Variants in KDM2A observed in about 807,000 individuals in gnomAD.
KDM2A encodes the protein lysine demethylase 2A.
KDM2A carries 3 observed loss-of-function variants against 137.3 expected under a neutral mutation model. The observed-to-expected ratio is 0.02, with a 90% confidence interval of 0.01 to 0.06. The LOEUF (loss-of-function observed/expected upper bound fraction) is 0.06, where lower values mean the gene tolerates loss of function less well. Among genes scored for constraint, KDM2A ranks in the 10% least tolerant of loss-of-function variants. The pLI is 1.00. For synonymous variants in KDM2A, 512 were observed against 541.5 expected, an observed-to-expected ratio of 0.95 and a Z score of 0.76; for missense variants, 738 against 1,510.6, an observed-to-expected ratio of 0.49 and a Z score of 8.48.
chr11:67,245,521 C>CATATA lies in KDM2A; in HGVS notation c.1833+64_1833+68dup, dbSNP rs1859177516. ...TGGCAGTGCCAAAGGAACTGAAATA[C>CATATA]ATATAGTGTAGAGTTAAAGAGACTT... On this transcript the variant is annotated intron_variant, in intron 14 of 20. Transcript: ENST00000529006. This position sits in a 1 kb window ranked among gnomAD's most constrained non-coding sequence, Gnocchi z 4.1. The CATATA allele has an allele frequency of 1.0e-5, 16 of 1,554,638 alleles. 1 individual carries two copies. In the South Asian group the frequency reaches 1.6e-4, roughly 15 times the overall value.
chr11:67,169,425 G>T (rs1856826772), intron 2 of KDM2A, among the ~76,000 whole-genome samples: 1 of 148,464 alleles, frequency 6.7e-6, no homozygotes, highest in African/African-American at 2.5e-5. Flanking sequence ...TGTTGCCCAG[G>T]CTGAAATGCA....
chr11:67,173,739 GTCTGGCTCTGC>G (rs1249889800), intron 2 of KDM2A, among the ~76,000 whole-genome samples: 25 of 152,000 alleles, frequency 1.6e-4, no homozygotes, highest in Non-Finnish European at 1.9e-4. Context: ...TTGAGGCAAG[GTCTGGCTCTGC>G]TGCCCAGACT....
intron 2 of KDM2A, among the ~76,000 whole-genome samples, chr11:67,168,496 G>C (rs1003962388): frequency 6.6e-6 from 1 of 151,692 alleles, no homozygotes; most frequent in African/African-American, 2.4e-5. Context: ...TGTATACAGA[G>C]TGTCTGGCTA....
intron 2 of KDM2A, among the ~76,000 whole-genome samples, chr11:67,177,497 TAAAC>T (rs1192391635): frequency 6.6e-6 from 1 of 152,066 alleles, no homozygotes; most frequent in African/African-American, 2.4e-5. Context: ...AACCAAGACA[TAAAC>T]ATACACATCA....
At chr11:67,182,661 T>G (rs1857116876) in intron 5 of KDM2A, among the ~76,000 whole-genome samples, 1 of 151,202 alleles carries the variant, frequency 6.6e-6, no homozygotes, top group South Asian at 2.1e-4. Context: ...GCCTCCCGAG[T>G]AGCTGGGATT....
chr11:67,208,282 A>G (rs1857874745), intron 6 of KDM2A, among the ~76,000 whole-genome samples: 1 of 151,768 alleles, frequency 6.6e-6, no homozygotes, highest in African/African-American at 2.4e-5. Context: ...AATTTTGTCC[A>G]GGCTGACCTT....
intron 10 of KDM2A, 183 bp downstream of exon 10, chr11:67,219,586 G>A: frequency 2.9e-6 from 1 of 348,380 alleles, no homozygotes. Flanking sequence ...GCAGAATCTT[G>A]TTCTGTTTTC....
intron 2 of KDM2A, among the ~76,000 whole-genome samples, chr11:67,142,117 C>T (rs1250145227): frequency 6.6e-6 from 1 of 151,896 alleles, no homozygotes; most frequent in Non-Finnish European, 1.5e-5. Context: ...CCGCTCACTG[C>T]AACCTCCACT....
At chr11:67,182,719 GT>G (rs1857118346) in intron 5 of KDM2A, among the ~76,000 whole-genome samples, 1 of 152,066 alleles carries the variant, frequency 6.6e-6, no homozygotes, top group Non-Finnish European at 1.5e-5. Context: ...TTTTAGTAGA[GT>G]TGTGGTTTCA....
At chr11:67,180,659 CT>C (rs1231630280) in intron 3 of KDM2A, among the ~76,000 whole-genome samples, 13 of 148,200 alleles carry the variant, frequency 8.8e-5, no homozygotes, top group African/African-American at 7.4e-5. Context: ...GTTTTGTTTA[CT>C]TTTTTTTTTG....
chr11:67,219,452 A>G, intron 10 of KDM2A, 49 bp downstream of exon 10: 2 of 936,270 alleles, frequency 2.1e-6, no homozygotes, highest in Non-Finnish European at 3.1e-6. Context: ...TACTCCAGTT[A>G]TGATAGATGT....
intron 2 of KDM2A, among the ~76,000 whole-genome samples, chr11:67,145,945 G>A (rs1005213672): frequency 7.2e-6 from 1 of 138,692 alleles, no homozygotes; most frequent in African/African-American, 2.7e-5. Flanking sequence ...ATGTTTCTCT[G>A]TTTCTGGTAT....
intron 2 of KDM2A, among the ~76,000 whole-genome samples, chr11:67,173,197 ACTGCAACCT>A (rs1251445767): frequency 6.6e-6 from 1 of 152,138 alleles, no homozygotes; most frequent in Non-Finnish European, 1.5e-5. Context: ...ATCTCAGCAC[ACTGCAACCT>A]CTGCCTCGCG....
intron 5 of KDM2A, among the ~76,000 whole-genome samples, chr11:67,203,798 T>C (rs1043594949): frequency 2.0e-4 from 30 of 151,624 alleles, no homozygotes; most frequent in African/African-American, 4.1e-4. Flanking sequence ...TTCTTTTTTT[T>C]TTTTTTCTTT....
At chr11:67,157,231 T>C (rs1856535935) in intron 2 of KDM2A, among the ~76,000 whole-genome samples, 1 of 146,518 alleles carries the variant, frequency 6.8e-6, no homozygotes, top group Non-Finnish European at 1.5e-5. Flanking sequence ...GAGAATGGCA[T>C]GAACCCGGGA....
chr11:67,138,509 G>A (rs1012069387), intron 2 of KDM2A, among the ~76,000 whole-genome samples: 2 of 152,138 alleles, frequency 1.3e-5, no homozygotes, highest in Non-Finnish European at 2.9e-5. Context: ...GGCTGGGCAC[G>A]GTGGCTCACA....
intron 10 of KDM2A, among the ~76,000 whole-genome samples, chr11:67,223,124 G>A (rs565980533): frequency 2.6e-5 from 4 of 151,652 alleles, no homozygotes; most frequent in South Asian, 4.2e-4. Context: ...CCTGGGAGGC[G>A]GAGGTTGCAG....
In KDM2A at chr11:67,223,252, G is replaced by T. The variant is rs1001289339; in HGVS notation, c.957+3849G>T. Among the ~76,000 whole-genome samples the T allele has an allele frequency of 1.8e-4, 27 of 151,718 alleles. No individual in the cohort carries two copies. In the South Asian group the frequency reaches 4.6e-3, roughly 26 times the overall value. ...CTAACCCAGTCTTAGAAATTGATAT[G>T]CGGCATAAGTAAAAAGCAATGGGGT... On this transcript the variant is annotated intron_variant, in intron 10 of 20. Transcript: ENST00000529006.
intron 6 of KDM2A, among the ~76,000 whole-genome samples, chr11:67,211,517 G>T (rs1857981686): frequency 1.3e-5 from 2 of 150,200 alleles, no homozygotes; most frequent in African/African-American, 4.9e-5. Context: ...GGGAAGTTGA[G>T]GTGGGAGAAT....
Sources: allele counts gnomAD v4.1 joint callset (sites outside exome capture counted in the v4.1 genomes callset), GRCh38; gene constraint gnomAD v4.1.1; non-coding constraint Gnocchi (gnomAD v3.1); transcripts MANE v1.5; gene names NCBI Gene and HGNC (gene_info 2026-07-23, HGNC 2026-07-21).